The following ARID1B variants were observed in gnomAD, a reference collection of about 807,000 sequenced individuals.
ARID1B encodes AT-rich interaction domain 1B, also known as AT-rich interactive domain-containing protein 1B.
In ARID1B, 30 loss-of-function variants were observed where a neutral mutation model predicts 212.3. The observed-to-expected ratio is 0.14, with a 90% CI of 0.11 to 0.19. The LOEUF is 0.19. ARID1B is among the 10% of genes least tolerant of loss of function. The pLI, the probability that ARID1B is intolerant of heterozygous loss-of-function variation, is 1.00. For synonymous variants in ARID1B, 1,402 were observed against 1,301.7 expected, an observed-to-expected ratio of 1.08 and a Z score of -1.66; for missense variants, 2,891 against 3,204.0, an observed-to-expected ratio of 0.90 and a Z score of 2.36.
intron 5 of ARID1B, among the ~76,000 whole-genome samples, chr6:157,107,115 A>T (rs1041990571): frequency 6.6e-6 from 1 of 152,186 alleles, no homozygotes; most frequent in Non-Finnish European, 1.5e-5. Flanking sequence ...CATTTTAGGG[A>T]TAAAAAATAT....
At chr6:157,054,630 G>A (rs1782822384) in intron 4 of ARID1B, among the ~76,000 whole-genome samples, 1 of 152,010 alleles carries the variant, frequency 6.6e-6, no homozygotes, top group South Asian at 2.1e-4. Flanking sequence ...GTCTGAGGAA[G>A]TGGTTCTTAC....
chr6:157,027,299 T>C (rs1780723110), intron 4 of ARID1B, among the ~76,000 whole-genome samples: 1 of 152,258 alleles, frequency 6.6e-6, no homozygotes, highest in African/African-American at 2.4e-5. Context: ...CATTCTTTCT[T>C]TTATTGAATT....
chr6:157,198,651 G>A, intron 16 of ARID1B, 160 bp from the exon 17 acceptor site: 1 of 580,170 alleles, frequency 1.7e-6, no homozygotes, highest in East Asian at 2.8e-5. Flanking sequence ...GCTAACAGTT[G>A]GCGTGCAGCT....
In ARID1B at chr6:157,207,693, C is replaced by A. The variant is rs769738505; in HGVS notation, c.6921C>A (p.Pro2307=). 1.2e-6 allele frequency: 2 copies of A among 1,608,994 alleles called. No homozygotes were observed. The highest frequency in any genetic ancestry group is 1.7e-6 in the Non-Finnish European group (2 of 1,175,718). The change falls in exon 20 of 20, where the codon CCC becomes CCA. Residue 2307 remains proline (P), a synonymous_variant. Transcript: ENST00000636930. The surrounding 1 kb of genome is among the most constrained non-coding windows in gnomAD (Gnocchi z 8.5). The part of the protein sequence containing the change: ...QSQHNLMHMQ[P]PPLEPPSVDM... ...AGCACAACCTCATGCACATGCAGCC[C>A]CCGCCCCTGGAACCACCTAGCGTAG...
chr6:156,822,205 A>G (rs287879), intron 1 of ARID1B, among the ~76,000 whole-genome samples: 37,892 of 152,170 alleles, frequency 0.25, 5,166 homozygotes, highest in Middle Eastern at 0.34. Flanking sequence ...GGAAAATGTG[A>G]CAAATATTCC....
intron 1 of ARID1B, among the ~76,000 whole-genome samples, chr6:156,812,452 A>AAT (rs1781617258): frequency 6.6e-6 from 1 of 152,072 alleles, no homozygotes; most frequent in Admixed American, 6.6e-5. Context: ...GGCATTTATA[A>AAT]GCCTCTGTCC....
At chr6:156,862,292 T>C (rs1215006574) in intron 2 of ARID1B, among the ~76,000 whole-genome samples, 1 of 152,202 alleles carries the variant, frequency 6.6e-6, no homozygotes, top group Non-Finnish European at 1.5e-5. Context: ...CAGATTTTAC[T>C]ACAGTTGGCC....
chr6:156,997,739 A>C (rs1283467254), intron 4 of ARID1B, among the ~76,000 whole-genome samples: 1 of 151,122 alleles, frequency 6.6e-6, no homozygotes, highest in Non-Finnish European at 1.5e-5. Context: ...CTTTATATTT[A>C]AGTTTACATT....
At chr6:156,902,282 T>C (rs1789006262) in intron 3 of ARID1B, 1 of 152,190 alleles carries the variant, frequency 6.6e-6, no homozygotes, top group Non-Finnish European at 1.5e-5. Context: ...GATAAAATGT[T>C]CGTAGCACAT....
intron 4 of ARID1B, among the ~76,000 whole-genome samples, chr6:157,063,079 G>A (rs1290943243): frequency 1.3e-5 from 2 of 151,684 alleles, no homozygotes; most frequent in African/African-American, 2.4e-5. Context: ...CCTCATCTTG[G>A]ATTTGAAGAA....
chr6:157,067,021 G>A (rs1783714155), intron 4 of ARID1B, among the ~76,000 whole-genome samples: 2 of 152,052 alleles, frequency 1.3e-5, no homozygotes, highest in African/African-American at 4.8e-5. Flanking sequence ...TGTTTCCTGT[G>A]TATGAAATGC....
At chr6:156,876,545 G>A (rs1342312505) in intron 2 of ARID1B, among the ~76,000 whole-genome samples, 3 of 152,114 alleles carry the variant, frequency 2.0e-5, no homozygotes, top group Non-Finnish European at 2.9e-5. Context: ...CCAGTCCACC[G>A]TTTGCCCCCA....
rs1270412817 is a variant in ARID1B, at chr6:157,167,036, G to A, written c.3090-4G>A. On this transcript the variant is annotated splice_region_variant and splice_polypyrimidine_tract_variant and intron_variant, in intron 8 of 19. Coordinates refer to ENST00000636930, the MANE Select transcript of ARID1B (RefSeq NM_001374828.1). ...TATGTGTGCTGTGCTTTCTCTTCCT[G>A]TAGGCAAGGCAGTTTCCCCGGCATG... 1 of 1,610,276 alleles carries A rather than the reference G, an allele frequency of 6.2e-7. No individual in the cohort carries two copies. The highest frequency in any genetic ancestry group is 8.5e-7 in the Non-Finnish European group (1 of 1,179,942).
chr6:156,930,221 A>G (rs529239974), intron 3 of ARID1B, among the ~76,000 whole-genome samples: 1 of 152,250 alleles, frequency 6.6e-6, no homozygotes, highest in Admixed American at 6.5e-5. Flanking sequence ...TTTCTCTTGA[A>G]TAAGGTTTCA....
At chr6:156,790,541 T>C (rs1346213082) in intron 1 of ARID1B, among the ~76,000 whole-genome samples, 1 of 152,218 alleles carries the variant, frequency 6.6e-6, no homozygotes, top group Non-Finnish European at 1.5e-5. Flanking sequence ...AAAATGGATC[T>C]TTTGCTTCTA....
intron 4 of ARID1B, among the ~76,000 whole-genome samples, chr6:157,011,302 CTAAT>C (rs1779593199): frequency 6.6e-6 from 1 of 152,276 alleles, no homozygotes; most frequent in Non-Finnish European, 1.5e-5. Context: ...CCTTCAAGCT[CTAAT>C]TAATTGTCCA....
intron 8 of ARID1B, chr6:157,149,213 A>G: frequency 6.3e-6 from 3 of 473,302 alleles, no homozygotes; most frequent in South Asian, 5.9e-5. Context: ...ATGCCTGTGA[A>G]TAGTCATTGC....
intron 4 of ARID1B, among the ~76,000 whole-genome samples, chr6:157,033,109 T>G (rs1583184094): frequency 6.6e-6 from 1 of 152,236 alleles, no homozygotes; most frequent in Middle Eastern, 3.2e-3. Flanking sequence ...TTGTTGGGGT[T>G]AATACTTGCG....
At chr6:156,999,724 T>A (rs1225937332) in intron 4 of ARID1B, among the ~76,000 whole-genome samples, 1 of 152,188 alleles carries the variant, frequency 6.6e-6, no homozygotes, top group Non-Finnish European at 1.5e-5. Context: ...TGCCTGCCTC[T>A]CAGTGCCAGC....
Sources: allele counts gnomAD v4.1 joint callset (sites outside exome capture counted in the v4.1 genomes callset), GRCh38; gene constraint gnomAD v4.1.1; non-coding constraint Gnocchi (gnomAD v3.1); transcripts MANE v1.5; gene names NCBI Gene and HGNC (gene_info 2026-07-23, HGNC 2026-07-21).